KATNAL2: variants seen among roughly 807,000 people sequenced by gnomAD.
KATNAL2 encodes the protein katanin p60 ATPase-containing subunit A-like 2.
KATNAL2 carries 52 observed loss-of-function variants against 76.3 expected under a neutral mutation model. The ratio of observed to expected loss-of-function variants is 0.68; its 90% CI spans 0.55 to 0.86. The LOEUF (loss-of-function observed/expected upper bound fraction) is 0.86. Ranked by LOEUF, KATNAL2 falls within the 40% of genes least tolerant of loss-of-function variation. The probability of loss-of-function intolerance (pLI) is 0.00; values close to 1 mark genes in which losing one functional copy is unlikely to be tolerated. For synonymous variants in KATNAL2, 243 were observed against 244.2 expected, an observed-to-expected ratio of 1.00 and a Z score of 0.05; for missense variants, 660 against 668.9, an observed-to-expected ratio of 0.99 and a Z score of 0.15.
intron 10 of KATNAL2, 133 bp from the exon 11 acceptor site, chr18:47,066,888 T>TATATATATACACAA (rs11281082): frequency 1.3e-5 from 1 of 75,816 alleles, no homozygotes; most frequent in East Asian, 3.2e-4. Flanking sequence ...TATATATATA[T>TATATATATACACAA]ATATAATATG....
intron 4 of KATNAL2, among the ~76,000 whole-genome samples, chr18:47,050,132 C>T (rs2061296009): frequency 6.6e-6 from 1 of 152,224 alleles, no homozygotes; most frequent in Middle Eastern, 3.4e-3. Context: ...CCCACCTTGG[C>T]TTCCAGAGTG....
In KATNAL2 at chr18:47,101,978, A is replaced by T. The variant is rs1394588641; in HGVS notation, c.*973A>T. ...TCCCCCACTAGAACTTACCTATGGG[A>T]AATCACCTTCTTTTCTCTTCCTTGC... On this transcript the variant is annotated 3_prime_UTR_variant, in exon 18 of 18. Coordinates refer to ENST00000683218, the MANE Select transcript of KATNAL2 (RefSeq NM_001387690.1). 1 of 152,186 alleles carries T rather than the reference A, an allele frequency of 6.6e-6. No homozygotes were observed. The highest frequency in any genetic ancestry group is 2.4e-5 in the African/African-American group (1 of 41,436). 9.4% of individuals were successfully genotyped at this position (152,186 alleles called of 1,614,324 possible).
chr18:47,033,519 G>C (rs775198012), intron 3 of KATNAL2: 5 of 1,614,060 alleles, frequency 3.1e-6, no homozygotes, highest in South Asian at 1.1e-5. Context: ...TCCGTAATTC[G>C]TCTGTCTCTC....
intron 15 of KATNAL2, among the ~76,000 whole-genome samples, chr18:47,078,050 T>C (rs1310165705): frequency 5.9e-5 from 9 of 152,186 alleles, no homozygotes; most frequent in Non-Finnish European, 1.2e-4. Context: ...TAAAAATAAG[T>C]ATAAGCCCTT....
intron 6 of KATNAL2, among the ~76,000 whole-genome samples, chr18:47,056,338 T>C (rs2061471149): frequency 6.6e-6 from 1 of 152,152 alleles, no homozygotes; most frequent in South Asian, 2.1e-4. Context: ...GCCCCATCAA[T>C]AGAAATACAG....
intron 13 of KATNAL2, among the ~76,000 whole-genome samples, chr18:47,073,889 T>G (rs568330211): frequency 1.5e-4 from 23 of 152,354 alleles, no homozygotes; most frequent in African/African-American, 5.5e-4. Context: ...ACAGTATGAA[T>G]GCCTAGACTC....
chr18:47,064,080 C>T (rs887897509), intron 10 of KATNAL2, among the ~76,000 whole-genome samples: 1 of 152,134 alleles, frequency 6.6e-6, no homozygotes, highest in African/African-American at 2.4e-5. Context: ...AAGCTAAGGG[C>T]TCCTGAGCTG....
rs561014703 is a variant in KATNAL2, at chr18:46,925,920, C to T, written c.-510+7994C>T. Among the ~76,000 whole-genome samples, 963 of 149,212 alleles carry T rather than the reference C, an allele frequency of 6.5e-3. 9 individuals carry two copies. Among genetic ancestry groups the T allele is most frequent in the African/African-American group, 0.022 (904 of 40,612 alleles). ...ATGGTAGTTTGTATTTCTGTGGGAT[C>T]GGTGGTGATATCCCCTTTATCATTT... On this transcript the variant is annotated intron_variant, in intron 1 of 17. Transcript: ENST00000683218.
At chr18:46,961,324 C>T (rs756023120) in intron 3 of KATNAL2, among the ~76,000 whole-genome samples, 68 of 152,244 alleles carry the variant, frequency 4.5e-4, no homozygotes, top group Middle Eastern at 3.4e-3. Context: ...AAGTGGTGGT[C>T]CCCACCTCAT....
intron 15 of KATNAL2, among the ~76,000 whole-genome samples, chr18:47,085,127 T>C (rs2062715053): frequency 6.6e-6 from 1 of 152,204 alleles, no homozygotes; most frequent in South Asian, 2.1e-4. Flanking sequence ...TTGGAATTAA[T>C]GGCGATTAAG....
chr18:47,096,666 TC>T (rs1450782252), intron 15 of KATNAL2, among the ~76,000 whole-genome samples: 1 of 152,172 alleles, frequency 6.6e-6, no homozygotes, highest in Non-Finnish European at 1.5e-5. Context: ...TACAGGAATT[TC>T]CTAATTTCTA....
intron 3 of KATNAL2, among the ~76,000 whole-genome samples, chr18:47,041,919 CTTCACTGTTGTTTTAACT>C (rs1177918580): frequency 2.0e-5 from 3 of 152,242 alleles, no homozygotes; most frequent in African/African-American, 7.2e-5. Flanking sequence ...TGCAGTGGTA[CTTCACTGTTGTTTTAACT>C]TTCCATTCCT....
Position 47,063,495 on chromosome 18 carries a change from C to A in KATNAL2, c.726+134C>A, listed in dbSNP as rs1021816225. 3 of 627,174 alleles carry A rather than the reference C, an allele frequency of 4.8e-6. 1 individual carries two copies. Among genetic ancestry groups the A allele is most frequent in the South Asian group, 4.3e-5 (2 of 46,378 alleles). The allele number at this position is 627,174 out of a possible 1,614,324, so 38.9% of individuals were successfully genotyped here. On this transcript the variant is annotated intron_variant, in intron 10 of 17. Transcript: ENST00000683218. ...AAGTGCCCCCACTTGCGCAGGCACT[C>A]ATATTGTTTAGAGGCACAATAATGC... is the stretch of plus-strand genomic sequence containing the variant.
chr18:47,082,057 A>G (rs984174851), intron 15 of KATNAL2, among the ~76,000 whole-genome samples: 1 of 152,200 alleles, frequency 6.6e-6, no homozygotes. Flanking sequence ...CTTTATCCCA[A>G]TATGTACAAA....
chr18:47,051,603 C>T (rs1222129756), intron 4 of KATNAL2, among the ~76,000 whole-genome samples: 1 of 152,112 alleles, frequency 6.6e-6, no homozygotes, highest in Non-Finnish European at 1.5e-5. Context: ...GTTTTTCTCT[C>T]TGTAAAATGA....
intron 6 of KATNAL2, among the ~76,000 whole-genome samples, chr18:47,057,316 C>T (rs1244962962): frequency 6.6e-6 from 1 of 152,160 alleles, no homozygotes; most frequent in Non-Finnish European, 1.5e-5. Context: ...TGTTCTGCCC[C>T]CACAAGCTAG....
At chr18:46,932,403 G>A (rs1877869589) in intron 1 of KATNAL2, among the ~76,000 whole-genome samples, 2 of 151,902 alleles carry the variant, frequency 1.3e-5, no homozygotes, top group African/African-American at 2.4e-5. Flanking sequence ...GGCTGGGCAC[G>A]GTGGCTCACA....
chr18:47,049,975 C>T (rs189523262), intron 4 of KATNAL2, among the ~76,000 whole-genome samples: 31 of 152,280 alleles, frequency 2.0e-4, no homozygotes, highest in African/African-American at 7.2e-4. Context: ...TCATGCAATC[C>T]TCCCACCTCA....
At chr18:46,934,662 A>G (rs2059036047) in intron 1 of KATNAL2, among the ~76,000 whole-genome samples, 1 of 152,134 alleles carries the variant, frequency 6.6e-6, no homozygotes, top group Non-Finnish European at 1.5e-5. Context: ...ATTAGATTCC[A>G]TTTGTCAGTT....
Sources: allele counts gnomAD v4.1 joint callset (sites outside exome capture counted in the v4.1 genomes callset), GRCh38; gene constraint gnomAD v4.1.1; transcripts MANE v1.5; gene names NCBI Gene and HGNC (gene_info 2026-07-23, HGNC 2026-07-21).